Variants in NEGR1 observed in about 807,000 individuals in gnomAD.
NEGR1 encodes IgLON family member 4.
Under a neutral mutation model 40.9 loss-of-function variants are expected in NEGR1, and 10 were observed. The ratio of observed to expected loss-of-function variants is 0.24; its 90% CI spans 0.15 to 0.42. The LOEUF is 0.42. Ranked by LOEUF, NEGR1 falls within the 10% of genes least tolerant of loss-of-function variation. The probability of loss-of-function intolerance (pLI) is 1.00; values close to 1 mark genes in which losing one functional copy is unlikely to be tolerated. For missense variants in NEGR1, 352 were observed against 438.9 expected (o/e 0.80, Z 1.77); for synonymous variants, 185 against 166.8 (o/e 1.11, Z -0.84).
At chr1:72,178,235 C>T (rs1570086253) in intron 1 of NEGR1, among the ~76,000 whole-genome samples, 1 of 151,668 alleles carries the variant, frequency 6.6e-6, no homozygotes, top group African/African-American at 2.4e-5. Context: ...ATTTTATTGA[C>T]AGTTAATTAT....
chr1:71,705,192 A>C (rs1653845122), intron 3 of NEGR1, among the ~76,000 whole-genome samples: 1 of 152,172 alleles, frequency 6.6e-6, no homozygotes, highest in African/African-American at 2.4e-5. Flanking sequence ...TATGAGGATG[A>C]AGGCAAGGTT....
chr1:71,844,228 C>T (rs1458120833), intron 2 of NEGR1, among the ~76,000 whole-genome samples: 1 of 152,138 alleles, frequency 6.6e-6, no homozygotes, highest in African/African-American at 2.4e-5. Context: ...CATCCCTTAA[C>T]AAAGACATAA....
At chr1:72,272,326 T>C (rs1390620361) in intron 1 of NEGR1, among the ~76,000 whole-genome samples, 2 of 151,838 alleles carry the variant, frequency 1.3e-5, no homozygotes, top group African/African-American at 2.4e-5. Flanking sequence ...TACCAAGCAC[T>C]AACTAAGTAG....
chr1:71,617,334 TAGAG>T (rs1212383537), intron 4 of NEGR1, among the ~76,000 whole-genome samples: 5 of 152,204 alleles, frequency 3.3e-5, no homozygotes, highest in East Asian at 1.9e-4. Context: ...GCACGATTGT[TAGAG>T]AGGATTAACG....
chr1:71,655,872 A>G (rs1251751118), intron 4 of NEGR1, among the ~76,000 whole-genome samples: 3 of 152,160 alleles, frequency 2.0e-5, no homozygotes, highest in Admixed American at 1.3e-4. Context: ...ACTTAATCCA[A>G]TGCCAAGGTC....
chr1:72,252,091 A>G (rs543928849), intron 1 of NEGR1, among the ~76,000 whole-genome samples: 23 of 149,788 alleles, frequency 1.5e-4, no homozygotes, highest in African/African-American at 5.9e-4. Context: ...TTACATGAAA[A>G]TGTATGCAAC....
chr1:71,717,383 C>A (rs894378271), intron 3 of NEGR1, among the ~76,000 whole-genome samples: 40 of 152,120 alleles, frequency 2.6e-4, no homozygotes, highest in Admixed American at 2.0e-3. Flanking sequence ...AATAAGAATT[C>A]TTTTGTTCTT....
intron 2 of NEGR1, among the ~76,000 whole-genome samples, chr1:71,873,514 A>G (rs774849371): frequency 5.9e-5 from 9 of 152,178 alleles, no homozygotes; most frequent in Non-Finnish European, 1.3e-4. Context: ...TTTAAAAGAT[A>G]GGAAAATGAC....
intron 6 of NEGR1, among the ~76,000 whole-genome samples, chr1:71,410,636 C>G (rs891615333): frequency 3.9e-5 from 6 of 152,126 alleles, no homozygotes; most frequent in African/African-American, 1.4e-4. Context: ...ACACACATAT[C>G]TCATTTTTAA....
At chr1:72,020,265 C>T (rs938423900) in intron 1 of NEGR1, among the ~76,000 whole-genome samples, 4 of 152,114 alleles carry the variant, frequency 2.6e-5, no homozygotes, top group East Asian at 1.9e-4. Flanking sequence ...AAATCCTGAA[C>T]ACTTGCTTAT....
intron 1 of NEGR1, among the ~76,000 whole-genome samples, chr1:72,089,158 A>G (rs1259969415): frequency 6.6e-6 from 1 of 152,056 alleles, no homozygotes; most frequent in Admixed American, 6.6e-5. Flanking sequence ...CATCCAATGG[A>G]CCATCCAATG....
In NEGR1 at chr1:71,688,367, G is replaced by GATATATATATATAAA. The variant is rs1491505759; in HGVS notation, c.667+9640_667+9641insTTTATATATATATAT. 8.2e-4 allele frequency among the ~76,000 whole-genome samples: 23 copies of GATATATATATATAAA among 28,186 alleles called. 1 individual carries two copies. Among genetic ancestry groups the GATATATATATATAAA allele is most frequent in the South Asian group, 4.2e-3 (4 of 956 alleles). The allele number at this position is 28,186 out of a possible 152,430, so 18.5% of individuals were successfully genotyped here. The stretch of plus-strand genomic sequence containing the variant: ...ATAGATAGATAGATTATATATATAT[G>GATATATATATATAAA]AGATATATACATAAAAGATATATAA... On this transcript the variant is annotated intron_variant, in intron 4 of 6. Coordinates refer to ENST00000357731, the MANE Select transcript of NEGR1 (RefSeq NM_173808.3).
At chr1:72,235,503 G>A (rs1347436096) in intron 1 of NEGR1, among the ~76,000 whole-genome samples, 1 of 151,930 alleles carries the variant, frequency 6.6e-6, no homozygotes, top group Non-Finnish European at 1.5e-5. Context: ...AATCATACTT[G>A]TAAAAGTATT....
intron 6 of NEGR1, among the ~76,000 whole-genome samples, chr1:71,497,557 A>G (rs2101395627): frequency 6.6e-6 from 1 of 152,246 alleles, no homozygotes; most frequent in Admixed American, 6.5e-5. Flanking sequence ...TTCCCAGGAT[A>G]GAATTGGTAT....
intron 1 of NEGR1, among the ~76,000 whole-genome samples, chr1:71,993,208 T>A (rs564898609): frequency 6.6e-6 from 1 of 152,222 alleles, no homozygotes; most frequent in Non-Finnish European, 1.5e-5. Flanking sequence ...GGGAGCTAAG[T>A]CAAGTTATAA....
chr1:71,560,587 C>T (rs1243003550), intron 6 of NEGR1, among the ~76,000 whole-genome samples: 1 of 150,936 alleles, frequency 6.6e-6, no homozygotes, highest in Non-Finnish European at 1.5e-5. Context: ...ATTGTGTGAG[C>T]ACAAATTCCC....
At chr1:71,617,045 C>T (rs1315298642) in intron 4 of NEGR1, among the ~76,000 whole-genome samples, 1 of 152,172 alleles carries the variant, frequency 6.6e-6, no homozygotes, top group Non-Finnish European at 1.5e-5. Flanking sequence ...AAAGACAAGA[C>T]TTTGGAGTTT....
At chr1:71,545,285 A>G (rs1035483453) in intron 6 of NEGR1, among the ~76,000 whole-genome samples, 1 of 151,646 alleles carries the variant, frequency 6.6e-6, no homozygotes, top group Non-Finnish European at 1.5e-5. Context: ...GGGGTGCTTT[A>G]TGCTTCTTAG....
chr1:71,868,011 T>C (rs2101829948), intron 2 of NEGR1, among the ~76,000 whole-genome samples: 1 of 152,284 alleles, frequency 6.6e-6, no homozygotes, highest in East Asian at 1.9e-4. Context: ...AGATATGACC[T>C]GTTTGATATC....
Sources: gnomAD v4.1 joint callset for allele counts (sites outside exome capture counted in the v4.1 genomes callset) on GRCh38, gnomAD v4.1.1 for gene constraint, MANE v1.5 for transcripts, NCBI Gene and HGNC (gene_info 2026-07-23, HGNC 2026-07-21) for gene names.